CHADL: variants seen among roughly 807,000 people sequenced by gnomAD.
CHADL encodes chondroadherin like.
In CHADL, 48 loss-of-function variants were observed where a neutral mutation model predicts 52.1. The ratio of observed to expected loss-of-function variants is 0.92; its 90% CI spans 0.73 to 1.17. The LOEUF (loss-of-function observed/expected upper bound fraction) is 1.17. Ranked by LOEUF, CHADL falls within the 50% of genes most tolerant of loss-of-function variation. The probability of loss-of-function intolerance (pLI) is 0.00; values close to 1 mark genes in which losing one functional copy is unlikely to be tolerated. For missense variants in CHADL, 977 were observed against 1,035.1 expected (o/e 0.94, Z 0.77); for synonymous variants, 498 against 511.2 (o/e 0.97, Z 0.35).
chr22:41,236,934 T>C (rs1322255232), intron 3 of CHADL, among the ~76,000 whole-genome samples: 2 of 152,176 alleles, frequency 1.3e-5, no homozygotes, highest in Non-Finnish European at 2.9e-5. Flanking sequence ...GACTGCATGG[T>C]CCCAAATTCC....
At position 41,238,021 on chromosome 22, in the gene CHADL, G is replaced by A. The variant is rs1049058093; in HGVS notation, c.1051C>T (p.Arg351Trp). 3 of 1,283,328 alleles carry A rather than the reference G, an allele frequency of 2.3e-6. No homozygotes were observed. Among genetic ancestry groups the A allele is most frequent in the Admixed American group, 4.0e-5 (1 of 24,726 alleles). The allele number at this position is 1,283,328 out of a possible 1,614,324, so 79.5% of individuals were successfully genotyped here. A position where few individuals can be genotyped will look rare whatever the true frequency, so the allele number is the denominator to read the frequency against. The change falls in exon 3 of 6, where the codon CGG becomes TGG. Residue 351 changes from arginine to tryptophan, a missense_variant. Coordinates refer to ENST00000216241, the MANE Select transcript of CHADL (RefSeq NM_138481.2). This position sits in a 1 kb window ranked among gnomAD's most constrained non-coding sequence, Gnocchi z 4.9. Reference sequence around the variant, plus strand: ...CCAGGGCAGCGCAGGTCCCAGGGCCGCAGGGCGTCCAGAGCCTCGCCCCGC... The same window carrying A: ...CCAGGGCAGCGCAGGTCCCAGGGCCACAGGGCGTCCAGAGCCTCGCCCCGC... ...RLRGEALDAL[R>W]PWDLRCPGDA...
Position 41,229,524 on chromosome 22 carries a change from C to A in CHADL, c.*180G>T. 1 of 1,603,546 alleles carries A rather than the reference C, an allele frequency of 6.2e-7. No homozygotes were observed. Among genetic ancestry groups the A allele is most frequent in the South Asian group, 1.1e-5 (1 of 90,714 alleles). On this transcript the variant is annotated 3_prime_UTR_variant, in exon 6 of 6. Transcript: ENST00000216241. ...TACAACCCTAATGCTGGGTTTGAAT[C>A]CATTTTTATTCAAAGGGAAAAGAAT...
intron 2 of CHADL, 132 bp downstream of exon 2, chr22:41,239,311 C>T (rs1245568341): frequency 6.6e-6 from 5 of 756,888 alleles, no homozygotes; most frequent in Non-Finnish European, 1.1e-5. Flanking sequence ...AACTGAGGCT[C>T]AAAGAGAAGT....
chr22:41,240,860 G>T lies in CHADL; in HGVS notation c.8+14C>A. ...TCTGAATCCCCCCTTGCACCATCGG[G>T]CCCAAAGACTCACCCCTCCATGCCG... On this transcript the variant is annotated intron_variant, in intron 1 of 5. Coordinates refer to ENST00000216241, the MANE Select transcript of CHADL (RefSeq NM_138481.2). 3 of 1,550,804 alleles carry T rather than the reference G, an allele frequency of 1.9e-6. No homozygotes were observed. The highest frequency in any genetic ancestry group is 2.6e-6 in the Non-Finnish European group (3 of 1,146,820).
At position 41,238,939 on chromosome 22, in the gene CHADL, C is replaced by A; in HGVS notation, c.187-54G>T. 8.1e-6 allele frequency: 12 copies of A among 1,475,862 alleles called. No homozygotes were observed. Among genetic ancestry groups the A allele is most frequent in the Non-Finnish European group, 9.0e-6 (10 of 1,108,930 alleles). The allele number at this position is 1,475,862 out of a possible 1,614,324, so 91.4% of individuals were successfully genotyped here. ...GAGCCAGGCAGGGACCCCGCCTTTG[C>A]AAGTGCTGCTTCTTCCCCGGAACAC... On this transcript the variant is annotated intron_variant, in intron 2 of 5. Coordinates refer to ENST00000216241, the MANE Select transcript of CHADL (RefSeq NM_138481.2). The surrounding 1 kb of genome is among the most constrained non-coding windows in gnomAD (Gnocchi z 4.9).
In CHADL at chr22:41,237,897, G is replaced by T; in HGVS notation, c.1175C>A (p.Ala392Glu). Reference sequence around the variant, plus strand: ...GCAGGCGCGAGGGCAAGGCGCGACTGCCCGCTCCTCCCCGGGGCCGCGCGG... The same window carrying T: ...GCAGGCGCGAGGGCAAGGCGCGACTTCCCGCTCCTCCCCGGGGCCGCGCGG... The part of the protein sequence containing the change: ...GPPRGPGEER[A>E]VAPCPRACVC... The change falls in exon 3 of 6, where the codon GCA becomes GAA. Residue 392 changes from alanine (A) to glutamate (E), a missense_variant. Ala to Glu is a moderately radical substitution (Grantham distance 107, BLOSUM62 -1). Transcript: ENST00000216241. 7.4e-7 allele frequency: 1 copy of T among 1,352,330 alleles called. No individual in the cohort carries two copies. The allele number at this position is 1,352,330 out of a possible 1,614,324, so 83.8% of individuals were successfully genotyped here.
Position 41,239,598 on chromosome 22 carries a change from G to A in CHADL, c.31C>T (p.Pro11Ser), listed in dbSNP as rs2032825107. Reference protein sequence around the residue: MEGPRSSTHVPLVLPLLVLLL... With the variant: MEGPRSSTHVSLVLPLLVLLL... Reference sequence around the variant, plus strand: ...AGTACAAGAAGCGGCAGCACCAAGGGGACATGGGTGGAGCTCCGGGGCCTG... The same window carrying A: ...AGTACAAGAAGCGGCAGCACCAAGGAGACATGGGTGGAGCTCCGGGGCCTG... Residue 11 changes from proline to serine, a missense_variant, in exon 2 of 6, where the codon CCC becomes TCC. Transcript: ENST00000216241. 1.3e-6 allele frequency: 2 copies of A among 1,538,714 alleles called. No homozygotes were observed. The highest frequency in any genetic ancestry group is 2.5e-5 in the East Asian group (1 of 40,438).
At position 41,237,658 on chromosome 22, in the gene CHADL, G is replaced by C. The variant is rs1217695420; in HGVS notation, c.1414C>G (p.Leu472Val). The C allele has an allele frequency of 6.5e-7, 1 of 1,545,054 alleles. No homozygotes were observed. Among genetic ancestry groups the C allele is most frequent in the African/African-American group, 1.4e-5 (1 of 73,042 alleles). The change falls in exon 3 of 6, where the codon CTG becomes GTG. Residue 472 changes from leucine to valine, a missense_variant. Physicochemically the swap from Leu to Val is conservative, Grantham distance 32. Transcript: ENST00000216241. ...AELEAGALAG[L>V]GRLIYLYLSD... ...AGGTACAGGTAGATCAGGCGGCCCA[G>C]CCCGGCCAGGGCGCCCGCTTCCAGC... is the stretch of plus-strand genomic sequence containing the variant.
intron 5 of CHADL, 111 bp from the exon 6 acceptor site, chr22:41,229,841 G>T: frequency 9.9e-7 from 1 of 1,009,940 alleles, no homozygotes; most frequent in Non-Finnish European, 1.5e-6. Flanking sequence ...TGTGAATGGA[G>T]CTGAGTCCCC....
At chr22:41,239,002 C>G (rs2032810856) in intron 2 of CHADL, 117 bp from the exon 3 acceptor site, 1 of 1,340,578 alleles carries the variant, frequency 7.5e-7, no homozygotes, top group Non-Finnish European at 9.9e-7. Flanking sequence ...TTCTCTTCAT[C>G]CGACCCCTGA....
In CHADL at chr22:41,236,454, T is replaced by C. The variant is rs754741569; in HGVS notation, c.2063+30A>G. 74 of 1,542,394 alleles carry C rather than the reference T, an allele frequency of 4.8e-5. 1 individual carries two copies. In the African/African-American group the frequency reaches 8.6e-4, roughly 18 times the overall value. On this transcript the variant is annotated intron_variant, in intron 4 of 5. Transcript: ENST00000216241. ...TTGACTGAGAGTGGCTGGGTGGTCT[T>C]TGGCTGGAGGTCTAGGTGGGGGTGC...
At chr22:41,237,121 G>A in intron 3 of CHADL, 55 bp downstream of exon 3, 1 of 1,471,496 alleles carries the variant, frequency 6.8e-7, no homozygotes, top group Non-Finnish European at 9.1e-7. Context: ...AATGCACGCT[G>A]CCTGTGGCCT....
intron 2 of CHADL, among the ~76,000 whole-genome samples, chr22:41,239,174 C>A (rs2032815996): frequency 6.6e-6 from 1 of 152,218 alleles, no homozygotes; most frequent in Non-Finnish European, 1.5e-5. Flanking sequence ...GCCTCTCCAC[C>A]ACAGGGTCTG....
rs77419992 is a variant in CHADL at position 41,235,145 on chromosome 22, C to T, written c.2262G>A (p.Lys754=). ...TCACCCCTCCTGCCCCATGGCCAAC[C>T]TTATCTGCTCCACACTGTCTTCCTT... ...PIKGRQCGAD[K]VGKEKGRL The change falls in exon 5 of 6, where the codon AAG becomes AAA. Residue 754 remains lysine, a splice_region_variant and synonymous_variant. Coordinates refer to ENST00000216241, the MANE Select transcript of CHADL (RefSeq NM_138481.2). 4,062 of 1,551,194 alleles carry T rather than the reference C, an allele frequency of 2.6e-3. 8 individuals carry two copies. Among genetic ancestry groups the T allele is most frequent in the Non-Finnish European group, 2.9e-3 (3,358 of 1,147,014 alleles).
Position 41,238,727 on chromosome 22 carries a change from G to A in CHADL, c.345C>T (p.Leu115=). 1 of 1,548,318 alleles carries A rather than the reference G, an allele frequency of 6.5e-7. No individual in the cohort carries two copies. Among genetic ancestry groups the A allele is most frequent in the Non-Finnish European group, 8.7e-7 (1 of 1,146,592 alleles). Residue 115 remains leucine (L), a synonymous_variant, in exon 3 of 6, where the codon CTC becomes CTT. Transcript: ENST00000216241. The surrounding 1 kb of genome is among the most constrained non-coding windows in gnomAD (Gnocchi z 4.9). ...AFRGLGRLLL[L]NLASNHLREL... The stretch of plus-strand genomic sequence containing the variant: ...CACGCAGGTGGTTGGAGGCCAGGTT[G>A]AGCAGGAGCAGGCGGCCCAGGCCAC...
intron 5 of CHADL, chr22:41,230,085 A>AC: frequency 3.1e-5 from 8 of 262,190 alleles, no homozygotes; most frequent in Non-Finnish European, 4.8e-5. Context: ...CTCCGCCCCC[A>AC]CCCCTCCCAG....
intron 1 of CHADL, among the ~76,000 whole-genome samples, chr22:41,239,852 A>G (rs1166979395): frequency 1.3e-5 from 2 of 152,096 alleles, no homozygotes; most frequent in Non-Finnish European, 2.9e-5. Context: ...CAGAAAAGTG[A>G]CCTGGTTAGT....
In CHADL at chr22:41,237,159, A is replaced by G. The variant is rs749226408; in HGVS notation, c.1896+17T>C. On this transcript the variant is annotated intron_variant, in intron 3 of 5. Coordinates refer to ENST00000216241, the MANE Select transcript of CHADL (RefSeq NM_138481.2). Reference sequence around the variant, plus strand: ...TGCCGCCTCCTGCACCAACCCCGCCAGATGCCCAGTGCCCACCTGCTCCAG... The same window carrying G: ...TGCCGCCTCCTGCACCAACCCCGCCGGATGCCCAGTGCCCACCTGCTCCAG... The G allele has an allele frequency of 6.6e-7, 1 of 1,524,634 alleles. No individual in the cohort carries two copies. The highest frequency in any genetic ancestry group is 1.2e-5 in the South Asian group (1 of 81,854). The allele number at this position is 1,524,634 out of a possible 1,614,324, so 94.4% of individuals were successfully genotyped here.
In CHADL at chr22:41,237,296, C is replaced by T. The variant is rs1280611325; in HGVS notation, c.1776G>A (p.Leu592=). The T allele has an allele frequency of 1.9e-6, 3 of 1,550,634 alleles. No individual in the cohort carries two copies. The African/African-American group carries it at 4.1e-5, about 21-fold the overall frequency. ...AGAGCTGCAGCTCCAGGAGGGCAGG[C>T]AGCCCCTCCAAGGCCCCAGTGGGCA... ...REVPTGALEG[L]PALLELQLSG... Residue 592 remains leucine, a synonymous_variant, in exon 3 of 6, where the codon CTG becomes CTA. Coordinates refer to ENST00000216241, the MANE Select transcript of CHADL (RefSeq NM_138481.2).
Sources: gnomAD v4.1 joint callset for allele counts (sites outside exome capture counted in the v4.1 genomes callset) on GRCh38, gnomAD v4.1.1 for gene constraint, Gnocchi (gnomAD v3.1) non-coding constraint, MANE v1.5 for transcripts, NCBI Gene and HGNC (gene_info 2026-07-23, HGNC 2026-07-21) for gene names.